The following KCNK2 variants were observed in gnomAD, a reference collection of about 807,000 sequenced individuals.
The protein encoded by KCNK2 is potassium channel subfamily K member 2.
In KCNK2, 21 loss-of-function variants were observed where a neutral mutation model predicts 40.5. That is an observed-to-expected ratio of 0.52 (90% CI 0.37 to 0.75). The LOEUF is 0.75. Ranked by LOEUF, KCNK2 falls within the 30% of genes least tolerant of loss-of-function variation. The pLI, the probability that KCNK2 is intolerant of heterozygous loss-of-function variation, is 0.00. For missense variants in KCNK2, 399 were observed against 531.6 expected (o/e 0.75, Z 2.45); for synonymous variants, 191 against 202.2 (o/e 0.94, Z 0.47).
intron 2 of KCNK2, among the ~76,000 whole-genome samples, chr1:215,119,611 G>A (rs1298040366): frequency 6.6e-6 from 1 of 152,102 alleles, no homozygotes; most frequent in Admixed American, 6.6e-5. Context: ...TACTGTTTCT[G>A]TGGCAAGTTT....
intron 5 of KCNK2, among the ~76,000 whole-genome samples, chr1:215,174,756 G>T (rs146843643): frequency 0.013 from 1,951 of 152,166 alleles, 36 homozygotes; most frequent in African/African-American, 0.042. Flanking sequence ...GTTCACTCAT[G>T]ATTTGGATGT....
rs115649136 is a variant in KCNK2 at position 215,106,636 on chromosome 1, A to G, written c.358-17997A>G. 1.7e-3 allele frequency among the ~76,000 whole-genome samples: 252 copies of G among 152,076 alleles called. 1 individual carries two copies. Among genetic ancestry groups the G allele is most frequent in the African/African-American group, 6.0e-3 (248 of 41,532 alleles). On this transcript the variant is annotated intron_variant, in intron 2 of 6. Transcript: ENST00000444842. ...TTTGTTTTTGATGCAATTGCCTTTGAGGACTTAGCCACAAATTATTTGCCA... is the reference window on the plus strand; with the variant it reads ...TTTGTTTTTGATGCAATTGCCTTTGGGGACTTAGCCACAAATTATTTGCCA...
intron 1 of KCNK2, among the ~76,000 whole-genome samples, chr1:215,064,305 G>T (rs771982693): frequency 2.6e-5 from 4 of 151,934 alleles, no homozygotes; most frequent in Non-Finnish European, 5.9e-5. Flanking sequence ...AATGCCTCGG[G>T]GGTGTGTGTG....
At chr1:215,190,574 A>G (rs1558131744) in intron 5 of KCNK2, among the ~76,000 whole-genome samples, 1 of 152,128 alleles carries the variant, frequency 6.6e-6, no homozygotes, top group South Asian at 2.1e-4. Flanking sequence ...AGATTGTGAT[A>G]TCTCCATTTT....
chr1:215,080,487 C>T (rs1659110670), upstream of KCNK2, among the ~76,000 whole-genome samples: 2 of 152,098 alleles, frequency 1.3e-5, no homozygotes, highest in African/African-American at 4.8e-5. Context: ...TACCCTGGTT[C>T]CAAATACCTG....
At chr1:215,225,051 G>A (rs1343139755) in intron 6 of KCNK2, among the ~76,000 whole-genome samples, 1 of 151,976 alleles carries the variant, frequency 6.6e-6, no homozygotes, top group African/African-American at 2.4e-5. Context: ...GACTTAAAAG[G>A]GAATAAAAAT....
In KCNK2 at chr1:215,155,765, C is replaced by T. The variant is rs183042350; in HGVS notation, c.476-13434C>T. ...CCATCTCTTGACCTTATGATCCACC[C>T]GCCTTGGCCTCCCAAAGTGCTGGGA... On this transcript the variant is annotated intron_variant, in intron 3 of 6. Transcript: ENST00000444842. Among the ~76,000 whole-genome samples, 97 of 152,248 alleles carry T rather than the reference C, an allele frequency of 6.4e-4. 1 individual carries two copies. Among genetic ancestry groups the T allele is most frequent in the African/African-American group, 2.3e-3 (94 of 41,534 alleles).
At chr1:215,122,383 C>G (rs924665836) in intron 2 of KCNK2, among the ~76,000 whole-genome samples, 4 of 151,944 alleles carry the variant, frequency 2.6e-5, no homozygotes, top group Non-Finnish European at 5.9e-5. Context: ...ACTACAAAAA[C>G]ATTTAAAAGA....
intron 4 of KCNK2, among the ~76,000 whole-genome samples, chr1:215,169,678 C>T (rs1330832797): frequency 6.6e-6 from 1 of 151,096 alleles, no homozygotes; most frequent in African/African-American, 2.4e-5. Flanking sequence ...GCTCTGTTGC[C>T]CAGGCTGCAG....
chr1:215,064,200 T>C (rs17024179), intron 1 of KCNK2, among the ~76,000 whole-genome samples: 20,745 of 152,236 alleles, frequency 0.14, 1,970 homozygotes, highest in South Asian at 0.4. Flanking sequence ...GAAACATTTA[T>C]GCTAAAGTAC....
Position 215,122,429 on chromosome 1 carries a change from A to G in KCNK2, c.358-2204A>G, listed in dbSNP as rs779782524. On this transcript the variant is annotated intron_variant, in intron 2 of 6. Transcript: ENST00000444842. ...AGGGAAACCTGCCTTATCTGATACT[A>G]TAGTTACAACACAGAGTTAGATGAA... Among the ~76,000 whole-genome samples, 11 of 152,178 alleles carry G rather than the reference A, an allele frequency of 7.2e-5. 1 individual carries two copies. The highest frequency in any genetic ancestry group is 1.0e-4 in the Non-Finnish European group (7 of 68,008).
chr1:215,130,723 A>AG (rs1318673006), intron 3 of KCNK2, among the ~76,000 whole-genome samples: 3 of 152,204 alleles, frequency 2.0e-5, no homozygotes, highest in African/African-American at 7.2e-5. Context: ...ACTTGAACTA[A>AG]GGAGGTAGCA....
intron 3 of KCNK2, among the ~76,000 whole-genome samples, chr1:215,139,041 T>G (rs1662050906): frequency 1.3e-5 from 2 of 152,188 alleles, no homozygotes; most frequent in African/African-American, 4.8e-5. Flanking sequence ...GCATACTCAT[T>G]TAAAATAAAA....
chr1:215,173,040 C>T (rs1378795027), intron 5 of KCNK2, among the ~76,000 whole-genome samples: 1 of 151,862 alleles, frequency 6.6e-6, no homozygotes, highest in African/African-American at 2.4e-5. Flanking sequence ...AGGTTTGTTA[C>T]ACATGTGCCA....
chr1:215,053,758 G>A (rs1039852977), intron 1 of KCNK2, among the ~76,000 whole-genome samples: 5 of 152,192 alleles, frequency 3.3e-5, no homozygotes, highest in Non-Finnish European at 7.3e-5. Flanking sequence ...CTTAAGGCCA[G>A]GAGTTCGAGA....
intron 1 of KCNK2, among the ~76,000 whole-genome samples, chr1:215,006,472 T>C (rs1357638133): frequency 6.6e-6 from 1 of 152,202 alleles, no homozygotes. Flanking sequence ...TAGTTTAAAC[T>C]AAATCTTGAG....
chr1:215,219,132 TG>T (rs1416893287), intron 6 of KCNK2, among the ~76,000 whole-genome samples: 2 of 152,238 alleles, frequency 1.3e-5, no homozygotes, highest in African/African-American at 4.8e-5. Context: ...CACATAGATC[TG>T]GATGAAAGAA....
chr1:215,101,051 A>T (rs931719667), intron 2 of KCNK2, among the ~76,000 whole-genome samples: 3 of 152,044 alleles, frequency 2.0e-5, no homozygotes, highest in Non-Finnish European at 4.4e-5. Context: ...TGGTGTGATG[A>T]TCTACACATC....
intron 5 of KCNK2, among the ~76,000 whole-genome samples, chr1:215,181,896 G>T (rs906379695): frequency 1.4e-4 from 21 of 152,208 alleles, no homozygotes; most frequent in African/African-American, 5.1e-4. Flanking sequence ...TGGCAGGTTT[G>T]CATACAGGTC....
Sources: allele counts gnomAD v4.1 joint callset (sites outside exome capture counted in the v4.1 genomes callset), GRCh38; gene constraint gnomAD v4.1.1; transcripts MANE v1.5; gene names NCBI Gene and HGNC (gene_info 2026-07-23, HGNC 2026-07-21).